Variants in BRINP1 observed in about 807,000 individuals in gnomAD.
The protein encoded by BRINP1 is BMP/retinoic acid-inducible neural-specific protein 1.
In BRINP1, 17 loss-of-function variants were observed where a neutral mutation model predicts 72.9. The ratio of observed to expected loss-of-function variants is 0.23; its 90% CI spans 0.16 to 0.35. BRINP1 has a LOEUF of 0.35. Among genes scored for constraint, BRINP1 ranks in the 10% least tolerant of loss-of-function variants. The pLI, the probability that BRINP1 is intolerant of heterozygous loss-of-function variation, is 1.00. For missense variants in BRINP1, 850 were observed against 1,001.6 expected (o/e 0.85, Z 2.04); for synonymous variants, 418 against 378.5 (o/e 1.10, Z -1.21).
intron 2 of BRINP1, among the ~76,000 whole-genome samples, chr9:119,263,180 C>G (rs671543): frequency 0.9 from 136,417 of 152,182 alleles, 61,523 homozygotes; most frequent in East Asian, 0.99. Context: ...ACCCGCATCA[C>G]AATTTGGTGA....
intron 1 of BRINP1, among the ~76,000 whole-genome samples, chr9:119,358,116 T>C (rs1183117216): frequency 1.3e-5 from 2 of 152,118 alleles, no homozygotes; most frequent in Non-Finnish European, 2.9e-5. Flanking sequence ...CTGTAAAGGT[T>C]AAATGAGATA....
chr9:119,294,074 A>G (rs1830850122), intron 2 of BRINP1, among the ~76,000 whole-genome samples: 1 of 152,232 alleles, frequency 6.6e-6, no homozygotes, highest in South Asian at 2.1e-4. Context: ...GAAGTTGAAG[A>G]TACAAAATAA....
intron 2 of BRINP1, among the ~76,000 whole-genome samples, chr9:119,305,766 T>C (rs1830989668): frequency 6.6e-6 from 1 of 152,178 alleles, no homozygotes; most frequent in Non-Finnish European, 1.5e-5. Flanking sequence ...ACACTGTGGT[T>C]ATTTGCCTTT....
chr9:119,324,163 C>T (rs999206466), intron 1 of BRINP1, among the ~76,000 whole-genome samples: 2 of 151,910 alleles, frequency 1.3e-5, no homozygotes, highest in African/African-American at 2.4e-5. Flanking sequence ...TCAGTACAAA[C>T]GTCCAATTAA....
At chr9:119,267,798 C>T (rs1221136) in intron 2 of BRINP1, among the ~76,000 whole-genome samples, 29,874 of 152,016 alleles carry the variant, frequency 0.2, 3,137 homozygotes, top group Admixed American at 0.25. Context: ...GAGCATGAAA[C>T]CATAGGCACA....
At chr9:119,174,188 A>C (rs1274404491) in intron 7 of BRINP1, among the ~76,000 whole-genome samples, 1 of 149,944 alleles carries the variant, frequency 6.7e-6, no homozygotes, top group East Asian at 1.9e-4. Context: ...CAACCTACAG[A>C]ATGGGAGAAA....
chr9:119,359,256 T>C (rs1485910749), intron 1 of BRINP1, among the ~76,000 whole-genome samples: 1 of 152,236 alleles, frequency 6.6e-6, no homozygotes, highest in Non-Finnish European at 1.5e-5. Flanking sequence ...TGCAGTGGCA[T>C]GATCACAGCT....
rs774126675 is a variant in BRINP1 at position 119,167,879 on chromosome 9, T to G, written c.1491A>C (p.Ser497=). 1.9e-6 allele frequency: 3 copies of G among 1,614,014 alleles called. No individual in the cohort carries two copies. In the African/African-American group the frequency reaches 4.0e-5, roughly 22 times the overall value. ...TGAAGGTGGTGTGGACGTAGAGGCG[T>G]GAGTCCATCTTCTGCAGCAGGTACT... ...ELKYLLQKMD[S]RLYVHTTFIS... Residue 497 remains serine (S), a synonymous_variant, in exon 8 of 8, where the codon TCA becomes TCC. Coordinates refer to ENST00000265922, the MANE Select transcript of BRINP1 (RefSeq NM_014618.3). The surrounding 1 kb of genome is among the most constrained non-coding windows in gnomAD (Gnocchi z 4.3).
chr9:119,309,361 T>C (rs67448622), intron 2 of BRINP1, among the ~76,000 whole-genome samples: 16,873 of 152,146 alleles, frequency 0.11, 1,200 homozygotes, highest in African/African-American at 0.19. Flanking sequence ...GGGCCCATGT[T>C]CGGAAGTCCC....
At chr9:119,327,060 G>T (rs991830735) in intron 1 of BRINP1, among the ~76,000 whole-genome samples, 6 of 152,210 alleles carry the variant, frequency 3.9e-5, no homozygotes, top group African/African-American at 1.4e-4. Flanking sequence ...GGGAGTGGCA[G>T]AAGATGAAGC....
intron 6 of BRINP1, among the ~76,000 whole-genome samples, chr9:119,211,598 A>T (rs1183017651): frequency 1.3e-5 from 2 of 152,004 alleles, no homozygotes; most frequent in Non-Finnish European, 2.9e-5. Flanking sequence ...GGCCACCCAC[A>T]CTCTGGAGCC....
chr9:119,169,554 A>C (rs942067015), intron 7 of BRINP1, among the ~76,000 whole-genome samples: 2 of 152,012 alleles, frequency 1.3e-5, no homozygotes, highest in Non-Finnish European at 2.9e-5. Context: ...GGGCTGGGGG[A>C]GGGGCGCCCG....
intron 2 of BRINP1, among the ~76,000 whole-genome samples, chr9:119,266,712 G>T (rs182355083): frequency 6.6e-6 from 1 of 152,240 alleles, no homozygotes; most frequent in South Asian, 2.1e-4. Context: ...CTATGAATTC[G>T]ATTGTTCTAG....
intron 1 of BRINP1, among the ~76,000 whole-genome samples, chr9:119,315,345 T>C (rs72761767): frequency 0.026 from 3,925 of 152,236 alleles, 75 homozygotes; most frequent in Non-Finnish European, 0.039. Flanking sequence ...TTATTATTAT[T>C]GTATCTGTTA....
At position 119,249,114 on chromosome 9, in the gene BRINP1, G is replaced by A. The variant is rs758282699; in HGVS notation, c.255C>T (p.Ile85=). The A allele has an allele frequency of 9.3e-6, 15 of 1,613,844 alleles. No individual in the cohort carries two copies. Among genetic ancestry groups the A allele is most frequent in the Middle Eastern group, 1.6e-4 (1 of 6,084 alleles). ...GATGGCGGACCAGATCTCTCCTCTC[G>A]ATGGCTGTGTTCCTCACCTTCCAAC... is the stretch of plus-strand genomic sequence containing the variant. ...FARWKVRNTA[I]ERRDLVRHPV... The change falls in exon 3 of 8, where the codon ATC becomes ATT. Residue 85 remains isoleucine (I), a synonymous_variant. Transcript: ENST00000265922.
chr9:119,173,747 C>T (rs1477785018), intron 7 of BRINP1, among the ~76,000 whole-genome samples: 1 of 145,842 alleles, frequency 6.9e-6, no homozygotes, highest in Non-Finnish European at 1.5e-5. Flanking sequence ...AACTATACTA[C>T]AAGGCTACAG....
chr9:119,333,401 T>TCCAG (rs1275062849), intron 1 of BRINP1, among the ~76,000 whole-genome samples: 1 of 147,362 alleles, frequency 6.8e-6, no homozygotes, highest in East Asian at 2.0e-4. Context: ...AGGCAGAGGC[T>TCCAG]GTAGTGAGCC....
intron 7 of BRINP1, among the ~76,000 whole-genome samples, chr9:119,179,619 CA>C (rs1331087192): frequency 8.5e-5 from 13 of 152,190 alleles, no homozygotes; most frequent in African/African-American, 3.1e-4. Context: ...ACTTTATCCT[CA>C]CATCAACCCC....
At chr9:119,341,651 A>G (rs1455078535) in intron 1 of BRINP1, among the ~76,000 whole-genome samples, 1 of 152,200 alleles carries the variant, frequency 6.6e-6, no homozygotes, top group East Asian at 1.9e-4. Flanking sequence ...AAGCATGTTG[A>G]AGGTAGGCTA....
Sources: allele counts gnomAD v4.1 joint callset (sites outside exome capture counted in the v4.1 genomes callset), GRCh38; gene constraint gnomAD v4.1.1; non-coding constraint Gnocchi (gnomAD v3.1); transcripts MANE v1.5; gene names NCBI Gene and HGNC (gene_info 2026-07-23, HGNC 2026-07-21).